Variants in EPHA3 observed in about 807,000 individuals in gnomAD.
EPHA3 encodes the protein EPH receptor A3.
Under a neutral mutation model 107.1 loss-of-function variants are expected in EPHA3, and 42 were observed. That is an observed-to-expected ratio of 0.39 (90% CI 0.31 to 0.51). EPHA3 has a LOEUF of 0.51. EPHA3 is among the 20% of genes least tolerant of loss of function. The probability of loss-of-function intolerance (pLI) is 0.78; values close to 1 mark genes in which losing one functional copy is unlikely to be tolerated. For synonymous variants in EPHA3, 461 were observed against 424.8 expected (o/e 1.09, Z -1.05); for missense variants, 1,183 against 1,211.2 (o/e 0.98, Z 0.35).
intron 3 of EPHA3, among the ~76,000 whole-genome samples, chr3:89,215,900 T>C (rs906392707): frequency 6.6e-6 from 1 of 151,872 alleles, no homozygotes; most frequent in Non-Finnish European, 1.5e-5. Flanking sequence ...TATAGGTCAT[T>C]ATTAAAGTAT....
At chr3:89,316,063 T>C (rs992876106) in intron 3 of EPHA3, among the ~76,000 whole-genome samples, 5 of 151,516 alleles carry the variant, frequency 3.3e-5, no homozygotes, top group Non-Finnish European at 5.9e-5. Context: ...CTTGAAAAAA[T>C]AACGCAAAAA....
At chr3:89,434,784 T>C (rs1367641149) in intron 13 of EPHA3, among the ~76,000 whole-genome samples, 1 of 152,214 alleles carries the variant, frequency 6.6e-6, no homozygotes, top group Non-Finnish European at 1.5e-5. Context: ...ACAGGCTCTT[T>C]GCATTTCTGT....
chr3:89,321,563 C>T (rs972194694), intron 3 of EPHA3, among the ~76,000 whole-genome samples: 6 of 152,028 alleles, frequency 3.9e-5, no homozygotes, highest in African/African-American at 1.2e-4. Context: ...TTGCTGATTA[C>T]TTGTGAGTCT....
At chr3:89,457,839 G>C (rs1047853377) in intron 15 of EPHA3, among the ~76,000 whole-genome samples, 1 of 152,202 alleles carries the variant, frequency 6.6e-6, no homozygotes. Flanking sequence ...GATCTGCTAT[G>C]CTAGAGCAGG....
At chr3:89,183,021 A>G (rs932897397) in intron 2 of EPHA3, among the ~76,000 whole-genome samples, 4 of 151,954 alleles carry the variant, frequency 2.6e-5, no homozygotes, top group Non-Finnish European at 2.9e-5. Context: ...AGATGAAAGG[A>G]AAACTGATTA....
intron 15 of EPHA3, among the ~76,000 whole-genome samples, chr3:89,471,518 G>T (rs1576395683): frequency 2.0e-5 from 3 of 152,150 alleles, no homozygotes; most frequent in Admixed American, 2.0e-4. Flanking sequence ...ACAGGCATGT[G>T]CCACCATGGC....
intron 3 of EPHA3, among the ~76,000 whole-genome samples, chr3:89,214,588 G>C (rs1463305156): frequency 6.6e-6 from 1 of 151,880 alleles, no homozygotes. Flanking sequence ...AAAGGATTGT[G>C]CTTTTCTAAA....
chr3:89,373,197 T>G (rs1708340911), intron 5 of EPHA3, among the ~76,000 whole-genome samples: 1 of 151,864 alleles, frequency 6.6e-6, no homozygotes, highest in Non-Finnish European at 1.5e-5. Flanking sequence ...AGTAAATAAT[T>G]ATGTAAATCT....
intron 3 of EPHA3, among the ~76,000 whole-genome samples, chr3:89,340,629 C>A (rs1212543657): frequency 2.0e-5 from 3 of 152,106 alleles, no homozygotes; most frequent in Non-Finnish European, 4.4e-5. Flanking sequence ...ACAAATAGTC[C>A]AATGCCAAGT....
At chr3:89,261,576 A>G (rs1705417649) in intron 3 of EPHA3, among the ~76,000 whole-genome samples, 1 of 152,114 alleles carries the variant, frequency 6.6e-6, no homozygotes, top group Non-Finnish European at 1.5e-5. Context: ...GTCACCCAGC[A>G]CAGGGTTTGT....
At chr3:89,212,604 T>C (rs1704130616) in intron 3 of EPHA3, among the ~76,000 whole-genome samples, 1 of 151,842 alleles carries the variant, frequency 6.6e-6, no homozygotes, top group South Asian at 2.1e-4. Flanking sequence ...TTTTTTTTTT[T>C]TGTTCTTTTT....
At position 89,229,684 on chromosome 3, in the gene EPHA3, A is replaced by G. The variant is rs187860565; in HGVS notation, c.814+19164A>G. On this transcript the variant is annotated intron_variant, in intron 3 of 16. Coordinates refer to ENST00000336596, the MANE Select transcript of EPHA3 (RefSeq NM_005233.6). ...TCAATTTCAATATTTGATTACTGCA[A>G]TATATGATAGATTCATCAATATGAG... Among the ~76,000 whole-genome samples, 1,314 of 152,050 alleles carry G rather than the reference A, an allele frequency of 8.6e-3. 17 individuals are homozygous for G. The highest frequency in any genetic ancestry group is 0.03 in the African/African-American group (1,251 of 41,546).
At chr3:89,273,490 A>T (rs1255306088) in intron 3 of EPHA3, among the ~76,000 whole-genome samples, 1 of 151,922 alleles carries the variant, frequency 6.6e-6, no homozygotes, top group Non-Finnish European at 1.5e-5. Flanking sequence ...AATAAATATA[A>T]TTGATGTGAA....
In EPHA3 at chr3:89,481,985, T is replaced by C. The variant is rs1710628205; in HGVS notation, c.*2483T>C. On this transcript the variant is annotated 3_prime_UTR_variant, in exon 17 of 17. Transcript: ENST00000336596. ...TGTATAAATGTGATATGATTGGCAA[T>C]ATGTGTTTACTTTAAACTTGTCTTT... 1 of 224,674 alleles carries C rather than the reference T, an allele frequency of 4.5e-6. No homozygotes were observed. The highest frequency in any genetic ancestry group is 8.9e-6 in the Non-Finnish European group (1 of 112,360). 13.9% of individuals were successfully genotyped at this position (224,674 alleles called of 1,614,324 possible). A position where few individuals can be genotyped will look rare whatever the true frequency, so the allele number is the denominator to read the frequency against.
intron 2 of EPHA3, among the ~76,000 whole-genome samples, chr3:89,131,048 G>C (rs550169568): frequency 6.6e-6 from 1 of 152,136 alleles, no homozygotes; most frequent in South Asian, 2.1e-4. Context: ...ATATCTGGGA[G>C]TAAATTTAAT....
intron 5 of EPHA3, among the ~76,000 whole-genome samples, chr3:89,366,887 T>C (rs570555111): frequency 6.6e-6 from 1 of 150,946 alleles, no homozygotes; most frequent in South Asian, 2.1e-4. Context: ...ATGTATTGGA[T>C]ATTTTTAAAA....
chr3:89,395,821 C>G lies in EPHA3; in HGVS notation c.1307-16C>G, dbSNP rs752150171. 4.4e-5 allele frequency: 71 copies of G among 1,612,794 alleles called. No individual in the cohort carries two copies. The highest frequency in any genetic ancestry group is 5.9e-5 in the Non-Finnish European group (70 of 1,179,356). On this transcript the variant is annotated splice_polypyrimidine_tract_variant and intron_variant, in intron 5 of 16. Transcript: ENST00000336596. ...TTTGCTTCCTTCCACCTTCCCCTCC[C>G]ATCCTCTCTTTACAGCTCCATCACC...
At chr3:89,191,537 AG>A (rs569911434) in intron 2 of EPHA3, among the ~76,000 whole-genome samples, 236 of 152,288 alleles carry the variant, frequency 1.5e-3, no homozygotes, top group African/African-American at 5.7e-3. Flanking sequence ...ACAGCCTGTG[AG>A]AAAAATACTT....
chr3:89,383,639 CTTTTTTTTTTTTT>C (rs71621546), intron 5 of EPHA3, among the ~76,000 whole-genome samples: 3 of 87,962 alleles, frequency 3.4e-5, no homozygotes, highest in Non-Finnish European at 6.9e-5. Context: ...ACTTCTTCTT[CTTTTTTTTTTTTT>C]TTTTTTTTTT....
Sources: allele counts gnomAD v4.1 joint callset (sites outside exome capture counted in the v4.1 genomes callset), GRCh38; gene constraint gnomAD v4.1.1; transcripts MANE v1.5; gene names NCBI Gene and HGNC (gene_info 2026-07-23, HGNC 2026-07-21).